The following RBM28 variants were observed in gnomAD, a reference collection of about 807,000 sequenced individuals.
RBM28 encodes the protein RNA binding motif protein 28.
In RBM28, 78 loss-of-function variants were observed where a neutral mutation model predicts 98.3. That is an observed-to-expected ratio of 0.79 (90% confidence interval 0.66 to 0.96). The LOEUF (loss-of-function observed/expected upper bound fraction) is 0.96, where lower values mean the gene tolerates loss of function less well. Ranked by LOEUF, RBM28 falls within the 40% of genes least tolerant of loss-of-function variation. The probability of loss-of-function intolerance (pLI) is 0.00; values close to 1 mark genes in which losing one functional copy is unlikely to be tolerated. For missense variants in RBM28, 838 were observed against 913.0 expected (o/e 0.92, Z 1.06); for synonymous variants, 306 against 330.9 (o/e 0.92, Z 0.82).
intron 16 of RBM28, 56 bp from the exon 17 acceptor site, chr7:128,315,076 A>G: frequency 6.2e-7 from 1 of 1,607,994 alleles, no homozygotes; most frequent in Non-Finnish European, 8.5e-7. Flanking sequence ...TTTGCTGCAA[A>G]TACTCAGCAG....
rs758487709 is a variant in RBM28 at position 128,313,218 on chromosome 7, A to G, written c.2102T>C (p.Ile701Thr). 4 of 1,613,948 alleles carry G rather than the reference A, an allele frequency of 2.5e-6. No homozygotes were observed. Among genetic ancestry groups the G allele is most frequent in the Admixed American group, 1.7e-5 (1 of 59,990 alleles). The change falls in exon 18 of 19, where the codon ATA (isoleucine) becomes ACA (threonine). Residue 701 changes from isoleucine to threonine, a missense_variant. Ile to Thr is a moderately conservative substitution (Grantham distance 89). Coordinates refer to ENST00000223073, the MANE Select transcript of RBM28 (RefSeq NM_018077.3). The stretch of plus-strand genomic sequence containing the variant: ...CTGCTTCTCCTGCTTCCACTGGTTT[A>G]TCTGTGGCTTTGGCTTTTTGGGATG... ...PVHPKKPKPQ[I>T]NQWKQEKQQL... is the part of the protein sequence containing the mutation.
At chr7:128,338,161 C>A in intron 5 of RBM28, 89 bp downstream of exon 5, 1 of 951,674 alleles carries the variant, frequency 1.1e-6, no homozygotes, top group Non-Finnish European at 1.7e-6. Context: ...ATGCAAACAT[C>A]TTTTGAAAAT....
rs751354036 is a variant in RBM28, at chr7:128,313,339, T to C, written c.2046-65A>G. The C allele has an allele frequency of 3.4e-5, 50 of 1,457,538 alleles. No homozygotes were observed. The Middle Eastern group carries it at 1.1e-3, about 32-fold the overall frequency. 90.3% of individuals were successfully genotyped at this position (1,457,538 alleles called of 1,614,324 possible). ...CTAATTTGACACCCCTAGGTTCTCTTTGTACACTGGCCCTTCCCAAGCCCA... is the reference window on the plus strand; with the variant it reads ...CTAATTTGACACCCCTAGGTTCTCTCTGTACACTGGCCCTTCCCAAGCCCA... On this transcript the variant is annotated intron_variant, in intron 17 of 18. Transcript: ENST00000223073.
Position 128,310,497 on chromosome 7 carries a change from C to A in RBM28, c.*300G>T. On this transcript the variant is annotated 3_prime_UTR_variant, in exon 19 of 19. Transcript: ENST00000223073. Reference sequence around the variant, plus strand: ...TCCAGAATGCTTTTTCAGGTGTTTCCATTTGAGAAATAAAGAATAAAAATT... The same window carrying A: ...TCCAGAATGCTTTTTCAGGTGTTTCAATTTGAGAAATAAAGAATAAAAATT... 5.1e-6 allele frequency: 2 copies of A among 388,924 alleles called. No individual in the cohort carries two copies. Among genetic ancestry groups the A allele is most frequent in the South Asian group, 3.4e-5 (1 of 29,580 alleles). The allele number at this position is 388,924 out of a possible 1,614,324, so 24.1% of individuals were successfully genotyped here.
rs565546205 is a variant in RBM28, at chr7:128,311,056, T to C, written c.2146-125A>G. 1.9e-3 allele frequency: 1,869 copies of C among 962,408 alleles called. 40 individuals are homozygous for C. In the South Asian group the frequency reaches 0.025, roughly 13 times the overall value. The allele number at this position is 962,408 out of a possible 1,614,324, so 59.6% of individuals were successfully genotyped here. A position where few individuals can be genotyped will look rare whatever the true frequency, so the allele number is the denominator to read the frequency against. ...ATCATATCTACCAGAAAGGGGTAGG[T>C]TTCTAGAGAGAGACTCTTAGAGAGA... On this transcript the variant is annotated intron_variant, in intron 18 of 18. Coordinates refer to ENST00000223073, the MANE Select transcript of RBM28 (RefSeq NM_018077.3).
At chr7:128,311,008 G>C in intron 18 of RBM28, 77 bp from the exon 19 acceptor site, 1 of 1,442,488 alleles carries the variant, frequency 6.9e-7, no homozygotes, top group Non-Finnish European at 9.7e-7. Flanking sequence ...GGCCACCCAA[G>C]AGAGAAAGTA....
rs1229018321 is a variant in RBM28, at chr7:128,310,048, A to G, written c.*749T>C. On this transcript the variant is annotated 3_prime_UTR_variant, in exon 19 of 19. Coordinates refer to ENST00000223073, the MANE Select transcript of RBM28 (RefSeq NM_018077.3). The stretch of plus-strand genomic sequence containing the variant: ...TTAAGGGGCAGACTTAATGAGGATC[A>G]AGTGTCCTCATTAAGGAGGACTTAG... The G allele has an allele frequency of 6.6e-6, 1 of 152,376 alleles. No individual in the cohort carries two copies. Among genetic ancestry groups the G allele is most frequent in the Non-Finnish European group, 1.5e-5 (1 of 68,152 alleles). 9.4% of individuals were successfully genotyped at this position (152,376 alleles called of 1,614,324 possible).
intron 15 of RBM28, 22 bp from the exon 16 acceptor site, chr7:128,317,755 C>G: frequency 6.4e-7 from 1 of 1,554,272 alleles, no homozygotes; most frequent in Non-Finnish European, 8.9e-7. Context: ...AGACAGAATG[C>G]CATTCATTAG....
intron 10 of RBM28, among the ~76,000 whole-genome samples, chr7:128,330,117 G>A (rs138976204): frequency 6.4e-4 from 98 of 151,958 alleles, no homozygotes; most frequent in African/African-American, 2.2e-3. Flanking sequence ...GGCTGACACT[G>A]CAACAGAGTT....
intron 13 of RBM28, 35 bp downstream of exon 13, chr7:128,323,492 C>T (rs199990732): frequency 3.6e-4 from 577 of 1,611,318 alleles, no homozygotes; most frequent in Non-Finnish European, 4.8e-4. Context: ...TTATAGGCCA[C>T]GCAGAACGTG....
In RBM28 at chr7:128,300,168, A is replaced by G. The variant is rs1231547758; in HGVS notation, c.*10629T>C. 2.6e-5 allele frequency: 4 copies of G among 152,198 alleles called. No individual in the cohort carries two copies. 9.4% of individuals were successfully genotyped at this position (152,198 alleles called of 1,614,324 possible). A position where few individuals can be genotyped will look rare whatever the true frequency, so the allele number is the denominator to read the frequency against. The stretch of plus-strand genomic sequence containing the variant: ...ACAACCCTGGCAGAGGCTTTGGCAC[A>G]TTTCACCCCTCCTCTCTTTGTGATT... On this transcript the variant is annotated 3_prime_UTR_variant, in exon 19 of 19. Coordinates refer to ENST00000223073, the MANE Select transcript of RBM28 (RefSeq NM_018077.3).
At position 128,321,271 on chromosome 7, in the gene RBM28, T is replaced by A. The variant is rs369956311; in HGVS notation, c.1558A>T (p.Lys520Ter). 2 of 1,614,062 alleles carry A rather than the reference T, an allele frequency of 1.2e-6. No homozygotes were observed. The highest frequency in any genetic ancestry group is 1.7e-5 in the Admixed American group (1 of 60,006). The change falls in exon 14 of 19, where the codon AAG becomes TAG. Residue 520 changes from lysine to a stop codon, truncating the protein, a stop_gained. Coordinates refer to ENST00000223073, the MANE Select transcript of RBM28 (RefSeq NM_018077.3). LOFTEE classifies it high-confidence loss of function. ...TGGTCAGGGCCACGTCTCACCTCCT[T>A]GATGCGCACCCCTTTCTCTCCACTA... The part of the protein sequence containing the change: ...ATSGEKGVRI[K>*]ECRVMRDLKG...
At chr7:128,314,347 AAAAT>A (rs754582449) in intron 17 of RBM28, among the ~76,000 whole-genome samples, 5 of 152,260 alleles carry the variant, frequency 3.3e-5, no homozygotes, top group Admixed American at 6.5e-5. Flanking sequence ...CTCTAAAAAT[AAAAT>A]AAATAAATAA....
rs1795732764 is a variant in RBM28, at chr7:128,298,156, A to G, written c.*12641T>C. 1 of 151,978 alleles carries G rather than the reference A, an allele frequency of 6.6e-6. No homozygotes were observed. The highest frequency in any genetic ancestry group is 1.5e-5 in the Non-Finnish European group (1 of 67,992). 9.4% of individuals were successfully genotyped at this position (151,978 alleles called of 1,614,324 possible). ...AATAAAAAAAAAAGACAATACGCGCACAGTTGAACATAGACCCTTATCAGT... is the reference window on the plus strand; with the variant it reads ...AATAAAAAAAAAAGACAATACGCGCGCAGTTGAACATAGACCCTTATCAGT... On this transcript the variant is annotated 3_prime_UTR_variant, in exon 19 of 19. Coordinates refer to ENST00000223073, the MANE Select transcript of RBM28 (RefSeq NM_018077.3).
chr7:128,317,937 C>G lies in RBM28; in HGVS notation c.1713+20G>C, dbSNP rs1796140037. On this transcript the variant is annotated intron_variant, in intron 15 of 18. Coordinates refer to ENST00000223073, the MANE Select transcript of RBM28 (RefSeq NM_018077.3). Reference sequence around the variant, plus strand: ...CAAGTGGTCCTAAGGGAACAAGTCTCCCCAGAGGACAAGGCCTACCTTCAG... The same window carrying G: ...CAAGTGGTCCTAAGGGAACAAGTCTGCCCAGAGGACAAGGCCTACCTTCAG... 2 of 1,613,852 alleles carry G rather than the reference C, an allele frequency of 1.2e-6. No individual in the cohort carries two copies. The highest frequency in any genetic ancestry group is 2.7e-5 in the African/African-American group (2 of 75,042).
At chr7:128,324,978 C>T (rs1796316825) in intron 11 of RBM28, among the ~76,000 whole-genome samples, 1 of 151,946 alleles carries the variant, frequency 6.6e-6, no homozygotes, top group Non-Finnish European at 1.5e-5. Flanking sequence ...CAACTACACT[C>T]CAGCCTGGGA....
intron 10 of RBM28, among the ~76,000 whole-genome samples, chr7:128,326,950 C>A (rs1334017804): frequency 6.6e-6 from 1 of 151,154 alleles, no homozygotes. Flanking sequence ...GCCTAAGCAA[C>A]ATGACAAAAC....
chr7:128,327,963 C>T (rs1022306542), intron 10 of RBM28, among the ~76,000 whole-genome samples: 1 of 152,120 alleles, frequency 6.6e-6, no homozygotes, highest in African/African-American at 2.4e-5. Flanking sequence ...TGATCTTCTG[C>T]CTCCTATAAA....
At chr7:128,311,510 G>C (rs191668175) in intron 18 of RBM28, among the ~76,000 whole-genome samples, 46 of 152,310 alleles carry the variant, frequency 3.0e-4, no homozygotes, top group South Asian at 2.3e-3. Flanking sequence ...CTAATGTCAG[G>C]ACTGGGGAAG....
Sources: gnomAD v4.1 joint callset for allele counts (sites outside exome capture counted in the v4.1 genomes callset) on GRCh38, gnomAD v4.1.1 for gene constraint, MANE v1.5 for transcripts, NCBI Gene and HGNC (gene_info 2026-07-23, HGNC 2026-07-21) for gene names.